CHKA: variants seen among roughly 807,000 people sequenced by gnomAD.
CHKA encodes the protein choline kinase alpha, also known as CHETK-alpha.
CHKA carries 34 observed loss-of-function variants against 60.1 expected under a neutral mutation model. The observed-to-expected ratio is 0.57, with a 90% CI of 0.43 to 0.75. The LOEUF (loss-of-function observed/expected upper bound fraction) is 0.75. Ranked by LOEUF, CHKA falls within the 30% of genes least tolerant of loss-of-function variation. The pLI is 0.00. For missense variants in CHKA, 563 were observed against 561.3 expected (o/e 1.00, Z -0.03); for synonymous variants, 217 against 223.1 (o/e 0.97, Z 0.24).
At chr11:68,068,078 A>C (rs192083441) in intron 7 of CHKA, among the ~76,000 whole-genome samples, 1 of 152,296 alleles carries the variant, frequency 6.6e-6, no homozygotes, top group East Asian at 1.9e-4. Context: ...CATGGGATGA[A>C]GTTTTGTTAC....
intron 2 of CHKA, among the ~76,000 whole-genome samples, chr11:68,084,865 C>T (rs1857131027): frequency 6.6e-6 from 1 of 152,008 alleles, no homozygotes; most frequent in Non-Finnish European, 1.5e-5. Context: ...TTATACTCTT[C>T]TACTTTAGGG....
intron 2 of CHKA, among the ~76,000 whole-genome samples, chr11:68,087,624 G>GA (rs1188962464): frequency 6.6e-6 from 1 of 151,688 alleles, no homozygotes; most frequent in African/African-American, 2.4e-5. Flanking sequence ...TTTTTTAATA[G>GA]AAAAAAAGAA....
Position 68,053,372 on chromosome 11 carries a change from C to G in CHKA, c.*616G>C, listed in dbSNP as rs1312536949. On this transcript the variant is annotated 3_prime_UTR_variant, in exon 12 of 12. Coordinates refer to ENST00000265689, the MANE Select transcript of CHKA (RefSeq NM_001277.3). ...ACACACGCCCAGCAGGAGGGGAGAG[C>G]TCTGCTCCACACGCTGGCGGCCTTG... 6.5e-6 allele frequency: 1 copy of G among 152,824 alleles called. No individual in the cohort carries two copies. Among genetic ancestry groups the G allele is most frequent in the Non-Finnish European group, 1.5e-5 (1 of 68,534 alleles). The allele number at this position is 152,824 out of a possible 1,614,324, so 9.5% of individuals were successfully genotyped here. A position where few individuals can be genotyped will look rare whatever the true frequency, so the allele number is the denominator to read the frequency against.
intron 2 of CHKA, chr11:68,082,488 T>A (rs1318535973): frequency 6.6e-6 from 1 of 152,538 alleles, no homozygotes; most frequent in Non-Finnish European, 1.5e-5. Flanking sequence ...ATGAAAAACA[T>A]ACCTTTCCAT....
chr11:68,071,334 CA>C (rs1348319702), intron 4 of CHKA, among the ~76,000 whole-genome samples: 6 of 152,180 alleles, frequency 3.9e-5, no homozygotes, highest in Non-Finnish European at 5.9e-5. Flanking sequence ...GTCACAGAGA[CA>C]GGGGGGCCGT....
chr11:68,082,295 A>T (rs1320489446), intron 2 of CHKA, among the ~76,000 whole-genome samples: 1 of 152,048 alleles, frequency 6.6e-6, no homozygotes, highest in Admixed American at 6.6e-5. Context: ...TACTATCTTT[A>T]ATAAGGGAAT....
At chr11:68,089,060 A>G (rs1857271258) in intron 2 of CHKA, among the ~76,000 whole-genome samples, 1 of 152,242 alleles carries the variant, frequency 6.6e-6, no homozygotes, top group Non-Finnish European at 1.5e-5. Context: ...CTTTTTGGAC[A>G]TTAATAATTT....
At chr11:68,095,871 GTC>G (rs1391101101) in intron 2 of CHKA, among the ~76,000 whole-genome samples, 4 of 150,614 alleles carry the variant, frequency 2.7e-5, no homozygotes, top group Non-Finnish European at 5.9e-5. Flanking sequence ...GTGAAACCCT[GTC>G]TCTACTAAAA....
chr11:68,106,907 C>A (rs1458015862), intron 1 of CHKA, among the ~76,000 whole-genome samples: 3 of 152,292 alleles, frequency 2.0e-5, no homozygotes, highest in Middle Eastern at 3.4e-3. Flanking sequence ...AGCAGCAACA[C>A]TGCCCTCTAT....
At chr11:68,065,917 G>T in intron 8 of CHKA, 23 bp from the exon 9 acceptor site, 1 of 1,538,216 alleles carries the variant, frequency 6.5e-7, no homozygotes, top group Non-Finnish European at 9.0e-7. Context: ...ATAAGACAGT[G>T]CACACAATGA....
At chr11:68,096,042 GAA>G (rs71040584) in intron 2 of CHKA, among the ~76,000 whole-genome samples, 76 of 143,028 alleles carry the variant, frequency 5.3e-4, no homozygotes, top group Middle Eastern at 3.6e-3. Context: ...TCCATCTCAG[GAA>G]AAAAAAAAAA....
chr11:68,070,686 G>A, intron 5 of CHKA, 38 bp downstream of exon 5: 2 of 1,593,970 alleles, frequency 1.3e-6, no homozygotes, highest in Non-Finnish European at 1.7e-6. Context: ...AGCCACCACT[G>A]TAAAACTATG....
intron 1 of CHKA, among the ~76,000 whole-genome samples, chr11:68,104,064 C>G (rs1857824476): frequency 6.6e-6 from 1 of 152,072 alleles, no homozygotes; most frequent in Non-Finnish European, 1.5e-5. Flanking sequence ...CAAAAGCCAT[C>G]AATTGATTAT....
intron 1 of CHKA, among the ~76,000 whole-genome samples, chr11:68,109,535 T>C (rs906818010): frequency 2.0e-5 from 3 of 152,200 alleles, no homozygotes; most frequent in Non-Finnish European, 2.9e-5. Flanking sequence ...CAGCCCCCTC[T>C]GGCCATTCTG....
intron 1 of CHKA, among the ~76,000 whole-genome samples, chr11:68,109,846 G>C (rs1858067190): frequency 1.3e-5 from 2 of 152,054 alleles, no homozygotes; most frequent in African/African-American, 4.8e-5. Context: ...CAGCTACTCG[G>C]GTGACTGAGG....
intron 10 of CHKA, among the ~76,000 whole-genome samples, chr11:68,063,846 A>G (rs1856340040): frequency 6.6e-6 from 1 of 152,158 alleles, no homozygotes; most frequent in South Asian, 2.1e-4. Flanking sequence ...GCGCCATGTA[A>G]GATGTGCCTT....
At chr11:68,095,443 G>A (rs1374069140) in intron 2 of CHKA, among the ~76,000 whole-genome samples, 1 of 133,132 alleles carries the variant, frequency 7.5e-6, no homozygotes, top group Non-Finnish European at 1.6e-5. Context: ...AGGCACGGTG[G>A]CTCACACCTA....
chr11:68,057,296 A>G lies in CHKA; in HGVS notation c.1315-3249T>C, dbSNP rs1238939393. ...GGCTAGTGCTTTATGTAACCCAAGA[A>G]ATCTGTGCTTAGGTCAGTAAGCTTT... On this transcript the variant is annotated intron_variant, in intron 11 of 11. Transcript: ENST00000265689. Among the ~76,000 whole-genome samples the G allele has an allele frequency of 2.6e-5, 4 of 152,150 alleles. No individual in the cohort carries two copies. The East Asian group carries it at 7.7e-4, about 29-fold the overall frequency.
At chr11:68,062,137 C>T (rs567133469) in intron 10 of CHKA, 103 bp from the exon 11 acceptor site, 14 of 811,052 alleles carry the variant, frequency 1.7e-5, no homozygotes, top group Non-Finnish European at 2.8e-5. Context: ...TGTGTGGATG[C>T]AAACCTAGTT....
Sources: allele counts gnomAD v4.1 joint callset (sites outside exome capture counted in the v4.1 genomes callset), GRCh38; gene constraint gnomAD v4.1.1; transcripts MANE v1.5; gene names NCBI Gene and HGNC (gene_info 2026-07-23, HGNC 2026-07-21).